Variants in ATRX observed in about 807,000 individuals in gnomAD.
ATRX encodes the protein chromatin remodeler ATRX.
In ATRX, 12 loss-of-function variants were observed where a neutral mutation model predicts 172.6. The observed-to-expected ratio is 0.07, with a 90% CI of 0.04 to 0.11. ATRX has a LOEUF of 0.11. Among genes scored for constraint, ATRX ranks in the 10% least tolerant of loss-of-function variants. The pLI is 1.00. For missense variants in ATRX, 1,368 were observed against 1,767.4 expected (o/e 0.77, Z 4.05); for synonymous variants, 674 against 594.7 (o/e 1.13, Z -1.94).
chrX:77,663,426 T>C lies in ATRX; in HGVS notation c.4076A>G (p.Lys1359Arg). 8.3e-7 allele frequency: 1 copy of C among 1,211,803 alleles called. No individual in the cohort carries two copies. The highest frequency in any genetic ancestry group is 1.1e-6 in the Non-Finnish European group (1 of 895,496). The change falls in exon 12 of 35, where the codon AAG (lysine) becomes AGG (arginine). Residue 1359 changes from lysine (K) to arginine (R), a missense_variant. Transcript: ENST00000373344. Reference sequence around the variant, plus strand: ...TTTGACTTCTTTATGCTCTTTAGGCTTTGTCTTTTTTTCTTCTCCAGATTC... The same window carrying C: ...TTTGACTTCTTTATGCTCTTTAGGCCTTGTCTTTTTTTCTTCTCCAGATTC... ...DGESGEEKKT[K>R]PKEHKEVKGR...
chrX:77,719,910 TA>T (rs782014525), intron 1 of ATRX, among the ~76,000 whole-genome samples: 1 of 111,793 alleles, frequency 8.9e-6, no homozygotes, highest in South Asian at 3.7e-4. Context: ...GTGCTTATTC[TA>T]AAACTGACCA....
chrX:77,561,426 AAGTATT>A lies in ATRX; in HGVS notation c.6327-2586_6327-2581del, dbSNP rs782204752. Reference sequence around the variant, plus strand: ...ACCTTTTTTAGATATTCTTAATACTAAGTATTAGTATTAAAGTATATGCTCAAAACA... The same window carrying A: ...ACCTTTTTTAGATATTCTTAATACTAAGTATTAAAGTATATGCTCAAAACA... On this transcript the variant is annotated intron_variant, in intron 28 of 34. Coordinates refer to ENST00000373344, the MANE Select transcript of ATRX (RefSeq NM_000489.6). Among the ~76,000 whole-genome samples, 417 of 111,248 alleles carry A rather than the reference AAGTATT, an allele frequency of 3.7e-3. 3 individuals carry two copies. The highest frequency in any genetic ancestry group is 0.013 in the African/African-American group (398 of 30,722).
chrX:77,759,597 G>A (rs1469569554), intron 1 of ATRX, among the ~76,000 whole-genome samples: 3 of 109,871 alleles, frequency 2.7e-5, no homozygotes, highest in African/African-American at 6.6e-5. Context: ...AGCTGTAATC[G>A]CAGCTGCTTG....
At chrX:77,553,453 T>C (rs1273596740) in intron 30 of ATRX, among the ~76,000 whole-genome samples, 3 of 111,813 alleles carry the variant, frequency 2.7e-5, no homozygotes, top group Non-Finnish European at 5.6e-5. Context: ...GGTAGTCTCT[T>C]GCTTAAAATT....
At chrX:77,737,892 A>G (rs1039695932) in intron 1 of ATRX, among the ~76,000 whole-genome samples, 11 of 111,852 alleles carry the variant, frequency 9.8e-5, no homozygotes, top group Non-Finnish European at 1.7e-4. Context: ...AAGGGTCCAC[A>G]TGTCTTTGGT....
intron 1 of ATRX, among the ~76,000 whole-genome samples, chrX:77,747,249 C>T (rs1272232990): frequency 1.8e-5 from 2 of 111,355 alleles, no homozygotes; most frequent in South Asian, 3.8e-4. Flanking sequence ...ATCAGCCAGA[C>T]GCAGTAGATC....
chrX:77,683,952 A>T lies in ATRX; in HGVS notation c.1304T>A (p.Ile435Lys), dbSNP rs782723442. Residue 435 changes from isoleucine to lysine, a missense_variant, in exon 9 of 35, where the codon ATA (isoleucine) becomes AAA (lysine). Ile to Lys is a moderately radical substitution (Grantham distance 102). Around this residue, in one of 17 missense-constraint regions of ATRX, gnomAD observed 843 missense variants for 643.1 expected, o/e 1.31. Coordinates refer to ENST00000373344, the MANE Select transcript of ATRX (RefSeq NM_000489.6). ...KEKNTKEHKVIDAKFETKARK... is the reference protein window; with the variant it reads ...KEKNTKEHKVKDAKFETKARK... ...TGCTTTTGTTTCAAACTTAGCATCTATGACTTTATGCTCTTTGGTATTTTT... is the reference window on the plus strand; with the variant it reads ...TGCTTTTGTTTCAAACTTAGCATCTTTGACTTTATGCTCTTTGGTATTTTT... 8.3e-7 allele frequency: 1 copy of T among 1,210,470 alleles called. No homozygotes were observed. Among genetic ancestry groups the T allele is most frequent in the Non-Finnish European group, 1.1e-6 (1 of 894,703 alleles).
chrX:77,626,996 C>T (rs978541462), intron 19 of ATRX, among the ~76,000 whole-genome samples: 1 of 111,270 alleles, frequency 9.0e-6, no homozygotes, highest in Non-Finnish European at 1.9e-5. Flanking sequence ...CAGGCCAAGA[C>T]GGGCGGATCA....
At chrX:77,558,867 T>C in intron 28 of ATRX, 21 bp from the exon 29 acceptor site, 1 of 1,125,506 alleles carries the variant, frequency 8.9e-7, no homozygotes, top group Non-Finnish European at 1.2e-6. Flanking sequence ...AAATATAGAA[T>C]AAATGCTTCA....
At chrX:77,743,794 C>T (rs2074966960) in intron 1 of ATRX, among the ~76,000 whole-genome samples, 1 of 111,959 alleles carries the variant, frequency 8.9e-6, no homozygotes, top group African/African-American at 3.2e-5. Context: ...GAGAAAGTCA[C>T]TCAGAAGCCC....
intron 1 of ATRX, among the ~76,000 whole-genome samples, chrX:77,756,649 C>T (rs1233629791): frequency 9.0e-6 from 1 of 110,901 alleles, no homozygotes; most frequent in Non-Finnish European, 1.9e-5. Context: ...GCTTCTGCTA[C>T]CCTCCATGGG....
chrX:77,554,160 C>T (rs1557057745), intron 30 of ATRX, among the ~76,000 whole-genome samples: 1 of 110,557 alleles, frequency 9.0e-6, no homozygotes, highest in African/African-American at 3.3e-5. Context: ...TAAAAATTAG[C>T]TGGGTGTGGT....
At chrX:77,546,936 A>G (rs1306936190) in intron 30 of ATRX, among the ~76,000 whole-genome samples, 1 of 112,247 alleles carries the variant, frequency 8.9e-6, no homozygotes, top group African/African-American at 3.2e-5. Flanking sequence ...GCACATTTTT[A>G]TTGAATACTT....
At chrX:77,712,547 G>T (rs1394848869) in intron 2 of ATRX, among the ~76,000 whole-genome samples, 1 of 112,471 alleles carries the variant, frequency 8.9e-6, no homozygotes, top group South Asian at 3.6e-4. Context: ...GGGAAAGGCC[G>T]GGCTTGGTGG....
intron 30 of ATRX, 134 bp from the exon 31 acceptor site, chrX:77,523,535 T>C: frequency 4.7e-6 from 3 of 633,109 alleles, no homozygotes; most frequent in Non-Finnish European, 7.1e-6. Context: ...ATATGACAGA[T>C]TACCTAAAAA....
At chrX:77,641,576 C>G (rs1489401439) in intron 15 of ATRX, among the ~76,000 whole-genome samples, 1 of 97,888 alleles carries the variant, frequency 1.0e-5, no homozygotes, top group Non-Finnish European at 2.0e-5. Context: ...GAGCGAGCCT[C>G]CATCTCAGAA....
At chrX:77,601,439 C>T (rs1230126400) in intron 22 of ATRX, among the ~76,000 whole-genome samples, 1 of 105,170 alleles carries the variant, frequency 9.5e-6, no homozygotes, top group African/African-American at 3.5e-5. Flanking sequence ...GATTGCACCA[C>T]AGCACTCCCG....
At chrX:77,773,625 G>A (rs1603341518) in intron 1 of ATRX, among the ~76,000 whole-genome samples, 1 of 110,151 alleles carries the variant, frequency 9.1e-6, no homozygotes, top group African/African-American at 3.3e-5. Flanking sequence ...GGTGGTGCAC[G>A]CCTGTAGTCC....
intron 1 of ATRX, among the ~76,000 whole-genome samples, chrX:77,755,001 G>C (rs1486647626): frequency 8.9e-6 from 1 of 111,969 alleles, no homozygotes; most frequent in Non-Finnish European, 1.9e-5. Flanking sequence ...TTTTCACATA[G>C]TCCCATATTT....
Sources: allele counts gnomAD v4.1 joint callset (sites outside exome capture counted in the v4.1 genomes callset), GRCh38; gene constraint gnomAD v4.1.1; regional missense constraint gnomAD v4.1.1; transcripts MANE v1.5; gene names NCBI Gene and HGNC (gene_info 2026-07-23, HGNC 2026-07-21).